The following TMEM50B variants were observed in gnomAD, a reference collection of about 807,000 sequenced individuals.
The protein encoded by TMEM50B is transmembrane protein 50B, also known as HCV p7-trans-regulated protein 3.
TMEM50B carries 14 observed loss-of-function variants against 23.4 expected under a neutral mutation model. The observed-to-expected ratio is 0.60, with a 90% CI of 0.39 to 0.93. The LOEUF (loss-of-function observed/expected upper bound fraction) is 0.93, where lower values mean the gene tolerates loss of function less well. Among genes scored for constraint, TMEM50B ranks in the 40% least tolerant of loss-of-function variants. The probability of loss-of-function intolerance (pLI) is 0.00; values close to 1 mark genes in which losing one functional copy is unlikely to be tolerated. For missense variants in TMEM50B, 159 were observed against 193.0 expected, an observed-to-expected ratio of 0.82 and a Z score of 1.04; for synonymous variants, 64 against 62.3, an observed-to-expected ratio of 1.03 and a Z score of -0.13.
chr21:33,456,618 T>C (rs1388434292), intron 5 of TMEM50B, among the ~76,000 whole-genome samples: 1 of 152,148 alleles, frequency 6.6e-6, no homozygotes, highest in Middle Eastern at 3.2e-3. Flanking sequence ...TAGCAAACAA[T>C]ACAGCAGCAT....
chr21:33,452,174 T>C (rs2084127821), intron 6 of TMEM50B, among the ~76,000 whole-genome samples: 1 of 152,204 alleles, frequency 6.6e-6, no homozygotes, highest in African/African-American at 2.4e-5. Context: ...CAACTTACCA[T>C]ATCCCCAGAA....
chr21:33,465,399 C>T lies in TMEM50B; in HGVS notation c.223G>A (p.Val75Ile), dbSNP rs1202837071. 1 of 1,611,860 alleles carries T rather than the reference C, an allele frequency of 6.2e-7. No individual in the cohort carries two copies. ...STLAFFMINA[V>I]SNAQVRGDSY... ...TCACCTCTCACCTGAGCATTGGATA[C>T]AGCATTTATCCTAGAACGGCACAAA... The change falls in exon 4 of 7, where the codon GTA becomes ATA. Residue 75 changes from valine to isoleucine, a missense_variant. By Grantham distance (29) the Val-to-Ile change is conservative. Transcript: ENST00000542230.
rs3057402 is a variant in TMEM50B, at chr21:33,468,066, T to TAAAA, written c.99+717_99+720dup. ...ACAACATAGCAAGACCTCGTCTCTT[T>TAAAA]AAAAAAAAAAAAAAAAGTGCGGACA... is the stretch of plus-strand genomic sequence containing the variant. On this transcript the variant is annotated intron_variant, in intron 2 of 6. Coordinates refer to ENST00000542230, the MANE Select transcript of TMEM50B (RefSeq NM_006134.7). Among the ~76,000 whole-genome samples the TAAAA allele has an allele frequency of 6.0e-3, 786 of 131,412 alleles. 7 individuals are homozygous for TAAAA. The highest frequency in any genetic ancestry group is 9.0e-3 in the Non-Finnish European group (566 of 62,980). The allele number at this position is 131,412 out of a possible 152,430, so 86.2% of individuals were successfully genotyped here. A position where few individuals can be genotyped will look rare whatever the true frequency, so the allele number is the denominator to read the frequency against.
intron 8 of TMEM50B, chr21:33,432,941 C>A: frequency 7.7e-7 from 1 of 1,303,538 alleles, no homozygotes; most frequent in South Asian, 1.2e-5. Context: ...GCGGGAGTGT[C>A]ATGGTACAAT....
At chr21:33,475,912 C>A (rs1350848299) in intron 1 of TMEM50B, among the ~76,000 whole-genome samples, 1 of 151,938 alleles carries the variant, frequency 6.6e-6, no homozygotes, top group East Asian at 2.0e-4. Flanking sequence ...CAAGATCTCA[C>A]CACTGCACTC....
In TMEM50B at chr21:33,458,595, G is replaced by A. The variant is rs369458820; in HGVS notation, c.373+1818C>T. On this transcript the variant is annotated intron_variant, in intron 5 of 6. Coordinates refer to ENST00000542230, the MANE Select transcript of TMEM50B (RefSeq NM_006134.7). ...ACATTAGTGGCTGCCTAGGGCTAGGGGAAGGAGTAATGGGGAGTGACTGCT... is the reference window on the plus strand; with the variant it reads ...ACATTAGTGGCTGCCTAGGGCTAGGAGAAGGAGTAATGGGGAGTGACTGCT... 1.1e-3 allele frequency among the ~76,000 whole-genome samples: 166 copies of A among 152,294 alleles called. 1 individual carries two copies. The Middle Eastern group carries it at 0.034, about 31-fold the overall frequency.
intron 1 of TMEM50B, among the ~76,000 whole-genome samples, chr21:33,473,929 A>C (rs879454850): frequency 1.9e-4 from 29 of 152,182 alleles, no homozygotes; most frequent in Non-Finnish European, 1.3e-4. Context: ...AAGACAGAAG[A>C]CCATATATTG....
At chr21:33,473,557 T>C (rs1348591079) in intron 1 of TMEM50B, among the ~76,000 whole-genome samples, 1 of 150,222 alleles carries the variant, frequency 6.7e-6, no homozygotes, top group Admixed American at 6.7e-5. Flanking sequence ...GCACTTGTAG[T>C]CTCAGCTACT....
chr21:33,457,981 G>C (rs112225109), intron 5 of TMEM50B, among the ~76,000 whole-genome samples: 3 of 152,224 alleles, frequency 2.0e-5, no homozygotes, highest in African/African-American at 7.2e-5. Context: ...GCCAACTGAT[G>C]AGACCATGCA....
intron 8 of TMEM50B, chr21:33,436,747 TAAA>T: frequency 8.8e-7 from 1 of 1,136,750 alleles, no homozygotes; most frequent in Non-Finnish European, 1.3e-6. Context: ...AAAAATAAAA[TAAA>T]AACAAAAACT....
rs187693471 is a variant in TMEM50B at position 33,461,412 on chromosome 21, C to T, written c.281-907G>A. On this transcript the variant is annotated intron_variant, in intron 4 of 6. Coordinates refer to ENST00000542230, the MANE Select transcript of TMEM50B (RefSeq NM_006134.7). ...TTTTATTACAATACTAAGCAGATCTCCAGAAATAAACAGTAATGTTTAGTT... is the reference window on the plus strand; with the variant it reads ...TTTTATTACAATACTAAGCAGATCTTCAGAAATAAACAGTAATGTTTAGTT... Among the ~76,000 whole-genome samples the T allele has an allele frequency of 8.3e-3, 1,256 of 152,196 alleles. 10 individuals carry two copies. Among genetic ancestry groups the T allele is most frequent in the Non-Finnish European group, 0.013 (868 of 68,004 alleles).
downstream of TMEM50B, among the ~76,000 whole-genome samples, chr21:33,446,810 A>G (rs2084063770): frequency 6.6e-6 from 1 of 151,508 alleles, no homozygotes. Context: ...GGAATTCAAG[A>G]CCAGCCTGGG....
chr21:33,447,584 G>A (rs74603637), downstream of TMEM50B, among the ~76,000 whole-genome samples: 5,058 of 151,916 alleles, frequency 0.033, 273 homozygotes, highest in African/African-American at 0.11. Flanking sequence ...TTGCTCAAGG[G>A]GCCAAATTAT....
chr21:33,434,388 G>T (rs961040944), intron 8 of TMEM50B, among the ~76,000 whole-genome samples: 37 of 152,118 alleles, frequency 2.4e-4, no homozygotes, highest in African/African-American at 8.0e-4. Flanking sequence ...CGGGCGTGGT[G>T]GTGGGCGCCT....
chr21:33,458,060 A>G (rs1228579506), intron 5 of TMEM50B, among the ~76,000 whole-genome samples: 1 of 152,234 alleles, frequency 6.6e-6, no homozygotes, highest in African/African-American at 2.4e-5. Flanking sequence ...TTCAGCCTAC[A>G]GCTGCTCATG....
intron 6 of TMEM50B, among the ~76,000 whole-genome samples, chr21:33,453,141 C>T (rs2084137674): frequency 6.6e-6 from 1 of 152,020 alleles, no homozygotes; most frequent in South Asian, 2.1e-4. Context: ...CTCTGTTGCT[C>T]AGCAATGGTG....
intron 3 of TMEM50B, among the ~76,000 whole-genome samples, chr21:33,466,515 AAAAGTTGAGTGT>A (rs1256969686): frequency 6.6e-6 from 1 of 152,202 alleles, no homozygotes; most frequent in African/African-American, 2.4e-5. Flanking sequence ...ACTGCAAGGT[AAAAGTTGAGTGT>A]ACTACAACAC....
At chr21:33,464,071 G>T (rs970150271) in intron 4 of TMEM50B, among the ~76,000 whole-genome samples, 1 of 152,182 alleles carries the variant, frequency 6.6e-6, no homozygotes, top group African/African-American at 2.4e-5. Flanking sequence ...CAGCATAGTG[G>T]CTAAAAGCAT....
At chr21:33,438,310 A>C (rs1285474947) in intron 8 of TMEM50B, among the ~76,000 whole-genome samples, 1 of 152,150 alleles carries the variant, frequency 6.6e-6, no homozygotes, top group Non-Finnish European at 1.5e-5. Flanking sequence ...TAAAAGTTAT[A>C]AGGGGGATTT....
Sources: allele counts gnomAD v4.1 joint callset (sites outside exome capture counted in the v4.1 genomes callset), GRCh38; gene constraint gnomAD v4.1.1; transcripts MANE v1.5; gene names NCBI Gene and HGNC (gene_info 2026-07-23, HGNC 2026-07-21).